The following ZMYM2 variants were observed in gnomAD, a reference collection of about 807,000 sequenced individuals.
ZMYM2 encodes the protein zinc finger MYM-type protein 2.
A neutral mutation model predicts 162.8 loss-of-function variants in ZMYM2; 56 were observed. The observed-to-expected ratio is 0.34, with a 90% CI of 0.28 to 0.43. The LOEUF is 0.43. Ranked by LOEUF, ZMYM2 falls within the 20% of genes least tolerant of loss-of-function variation. The pLI is 1.00. For missense variants in ZMYM2, 1,275 were observed against 1,621.8 expected, an observed-to-expected ratio of 0.79 and a Z score of 3.67; for synonymous variants, 510 against 541.6, an observed-to-expected ratio of 0.94 and a Z score of 0.81.
chr13:19,882,621 CCT>C, the ZMYM2 span, among the ~76,000 whole-genome samples: 1 of 152,036 alleles, frequency 6.6e-6, no homozygotes, highest in African/African-American at 2.4e-5. Context: ...GTGTCATGCG[CCT>C]GTCATCCCAA....
At chr13:20,043,679 A>C (rs1035524975) in intron 12 of ZMYM2, among the ~76,000 whole-genome samples, 3 of 151,888 alleles carry the variant, frequency 2.0e-5, no homozygotes, top group Non-Finnish European at 2.9e-5. Context: ...TAAGGCTCCA[A>C]CTGCAGTGTC....
At chr13:20,079,316 C>CAAA (rs1158594782) in intron 21 of ZMYM2, among the ~76,000 whole-genome samples, 342 of 23,158 alleles carry the variant, frequency 0.015, 44 homozygotes, top group East Asian at 0.091. Context: ...GACTCTGTCT[C>CAAA]AAAAAAAAAA....
the ZMYM2 span, among the ~76,000 whole-genome samples, chr13:19,883,376 T>C: frequency 6.6e-6 from 1 of 152,220 alleles, no homozygotes; most frequent in Non-Finnish European, 1.5e-5. Flanking sequence ...ATTGTACAAC[T>C]TAGAAATGTC....
chr13:20,046,564 A>ATATAT (rs1555317284), intron 12 of ZMYM2, among the ~76,000 whole-genome samples: 1,553 of 103,706 alleles, frequency 0.015, 26 homozygotes, highest in East Asian at 0.039. Flanking sequence ...TAAAAAAAAA[A>ATATAT]ATATATATAT....
chr13:20,022,539 A>G lies in ZMYM2; in HGVS notation c.1584+2921A>G, dbSNP rs572654080. Among the ~76,000 whole-genome samples the G allele has an allele frequency of 1.9e-3, 284 of 152,324 alleles. 1 individual carries two copies. Among genetic ancestry groups the G allele is most frequent in the African/African-American group, 6.5e-3 (272 of 41,572 alleles). ...AAACTTTTCACCCACTATTTTTAGCATCTGTTGTCAATTAGAAAAAAATCC... is the reference window on the plus strand; with the variant it reads ...AAACTTTTCACCCACTATTTTTAGCGTCTGTTGTCAATTAGAAAAAAATCC... On this transcript the variant is annotated intron_variant, in intron 7 of 24. Coordinates refer to ENST00000610343, the MANE Select transcript of ZMYM2 (RefSeq NM_197968.4).
chr13:19,976,751 G>C (rs1156241498), intron 2 of ZMYM2, among the ~76,000 whole-genome samples: 1 of 152,148 alleles, frequency 6.6e-6, no homozygotes, highest in African/African-American at 2.4e-5. Flanking sequence ...CTTCCTTTTA[G>C]AAGTCTATTG....
chr13:20,024,709 AAGC>A (rs1385885083), intron 7 of ZMYM2: 1 of 221,744 alleles, frequency 4.5e-6, no homozygotes, highest in Non-Finnish European at 9.0e-6. Flanking sequence ...ACAAAAAAAA[AAGC>A]AGAGCATTCT....
intron 6 of ZMYM2, among the ~76,000 whole-genome samples, chr13:20,011,574 TTTTA>T (rs1188155580): frequency 1.6e-5 from 2 of 128,772 alleles, no homozygotes; most frequent in East Asian, 2.0e-4. Flanking sequence ...TATTTTTTTG[TTTTA>T]TTTTTTTTTT....
the ZMYM2 span, among the ~76,000 whole-genome samples, chr13:19,892,199 T>C: frequency 1.3e-5 from 2 of 151,978 alleles, no homozygotes; most frequent in Admixed American, 1.3e-4. Flanking sequence ...CACCTCGGTT[T>C]CCCAAAGTGC....
At chr13:20,083,594 G>A in intron 23 of ZMYM2, 62 bp from the exon 24 acceptor site, 3 of 1,287,114 alleles carry the variant, frequency 2.3e-6, no homozygotes, top group Non-Finnish European at 3.2e-6. Flanking sequence ...GACACTAGGA[G>A]TGATGTTTAT....
At chr13:20,053,633 TA>T (rs1254532962) in intron 14 of ZMYM2, among the ~76,000 whole-genome samples, 1 of 151,986 alleles carries the variant, frequency 6.6e-6, no homozygotes, top group Non-Finnish European at 1.5e-5. Flanking sequence ...GCCTGGGTAA[TA>T]AGAGTGAAAC....
chr13:20,010,227 G>T (rs372936858), intron 6 of ZMYM2, among the ~76,000 whole-genome samples: 2 of 151,908 alleles, frequency 1.3e-5, no homozygotes, highest in Non-Finnish European at 2.9e-5. Context: ...ACAGAGTCTC[G>T]CTCTGTTACC....
At chr13:20,051,936 T>C (rs770816528) in intron 13 of ZMYM2, among the ~76,000 whole-genome samples, 3 of 152,082 alleles carry the variant, frequency 2.0e-5, no homozygotes, top group Non-Finnish European at 4.4e-5. Flanking sequence ...TAGCAAATCG[T>C]ATTGCTAGGG....
chr13:19,965,830 A>G lies in ZMYM2; in HGVS notation c.-11+5804A>G, dbSNP rs187740993. Among the ~76,000 whole-genome samples the G allele has an allele frequency of 1.1e-4, 16 of 144,248 alleles. No individual in the cohort carries two copies. The East Asian group carries it at 2.6e-3, about 23-fold the overall frequency. The allele number at this position is 144,248 out of a possible 152,430, so 94.6% of individuals were successfully genotyped here. A position where few individuals can be genotyped will look rare whatever the true frequency, so the allele number is the denominator to read the frequency against. Reference sequence around the variant, plus strand: ...GCTGTGTTGCCTAGACCAGAGTGCAATGGCATGATCTCAGCTCACTGCAAC... The same window carrying G: ...GCTGTGTTGCCTAGACCAGAGTGCAGTGGCATGATCTCAGCTCACTGCAAC... On this transcript the variant is annotated intron_variant, in intron 2 of 24. Coordinates refer to ENST00000610343, the MANE Select transcript of ZMYM2 (RefSeq NM_197968.4).
At chr13:19,959,169 CCGGCGGGG>C (rs1248296752) in intron 1 of ZMYM2, among the ~76,000 whole-genome samples, 4 of 147,732 alleles carry the variant, frequency 2.7e-5, no homozygotes, top group Non-Finnish European at 6.0e-5. Context: ...GGTCGCGGGG[CCGGCGGGG>C]CGGCGGGACG....
At chr13:20,000,389 T>G (rs1445065254) in intron 3 of ZMYM2, among the ~76,000 whole-genome samples, 1 of 152,110 alleles carries the variant, frequency 6.6e-6, no homozygotes, top group Non-Finnish European at 1.5e-5. Context: ...CTAAGATAAT[T>G]GATGTAGGTG....
chr13:19,955,342 C>A (rs192398547), upstream of ZMYM2, among the ~76,000 whole-genome samples: 109 of 152,084 alleles, frequency 7.2e-4, 1 homozygote, highest in East Asian at 1.5e-3. Flanking sequence ...CATGTATGCT[C>A]GTTTCACCCC....
chr13:19,865,482 C>T, the ZMYM2 span, among the ~76,000 whole-genome samples: 1 of 152,116 alleles, frequency 6.6e-6, no homozygotes, highest in African/African-American at 2.4e-5. Flanking sequence ...TCCTCAGTTA[C>T]TCTTTGGAAA....
the ZMYM2 span, among the ~76,000 whole-genome samples, chr13:19,878,333 G>A: frequency 2.6e-5 from 4 of 151,478 alleles, no homozygotes; most frequent in Non-Finnish European, 4.4e-5. Flanking sequence ...GATTACAGGC[G>A]CAAGCCACTA....
Sources: gnomAD v4.1 joint callset for allele counts (sites outside exome capture counted in the v4.1 genomes callset) on GRCh38, gnomAD v4.1.1 for gene constraint, MANE v1.5 for transcripts, NCBI Gene and HGNC (gene_info 2026-07-23, HGNC 2026-07-21) for gene names.